Variants in NFIB observed in about 807,000 individuals in gnomAD.
The protein encoded by NFIB is nuclear factor 1 B-type.
A neutral mutation model predicts 61.5 loss-of-function variants in NFIB; 11 were observed. The observed-to-expected ratio is 0.18, with a 90% CI of 0.11 to 0.30. The LOEUF (loss-of-function observed/expected upper bound fraction) is 0.30, where lower values mean the gene tolerates loss of function less well. NFIB is among the 10% of genes least tolerant of loss of function. NFIB has a pLI of 1.00. For synonymous variants in NFIB, 260 were observed against 216.5 expected, an observed-to-expected ratio of 1.20 and a Z score of -1.76; for missense variants, 471 against 608.9, an observed-to-expected ratio of 0.77 and a Z score of 2.38.
chr9:14,265,175 G>A (rs1399829973), intron 2 of NFIB, among the ~76,000 whole-genome samples: 1 of 152,152 alleles, frequency 6.6e-6, no homozygotes, highest in Non-Finnish European at 1.5e-5. Flanking sequence ...ACTATAGATT[G>A]GATATTATAT....
At chr9:14,234,431 G>A (rs979084870) in intron 2 of NFIB, among the ~76,000 whole-genome samples, 7 of 151,266 alleles carry the variant, frequency 4.6e-5, no homozygotes, top group East Asian at 3.9e-4. Context: ...GTGCAGTGGC[G>A]GGATCTCGGC....
the NFIB span, among the ~76,000 whole-genome samples, chr9:14,512,693 A>AAGTAC: frequency 1.0e-3 from 155 of 151,522 alleles, no homozygotes; most frequent in East Asian, 0.021. Flanking sequence ...CTTATTTATA[A>AAGTAC]AGTAAATTTT....
chr9:14,400,077 A>G (rs531583574), upstream of NFIB, among the ~76,000 whole-genome samples: 4 of 152,060 alleles, frequency 2.6e-5, no homozygotes, highest in African/African-American at 9.7e-5. Context: ...TTAAAACTTC[A>G]ATAGCAATTT....
the NFIB span, among the ~76,000 whole-genome samples, chr9:14,457,799 C>T: frequency 6.6e-6 from 1 of 152,118 alleles, no homozygotes; most frequent in Non-Finnish European, 1.5e-5. Flanking sequence ...CACATACACC[C>T]TCCCAAGACT....
At chr9:14,436,248 G>A in the NFIB span, among the ~76,000 whole-genome samples, 1 of 152,222 alleles carries the variant, frequency 6.6e-6, no homozygotes, top group Non-Finnish European at 1.5e-5. Context: ...GTCCCAGGCA[G>A]TGCATCCCTG....
intron 1 of NFIB, among the ~76,000 whole-genome samples, chr9:14,370,135 A>G (rs1430861169): frequency 1.3e-5 from 2 of 152,218 alleles, no homozygotes; most frequent in African/African-American, 4.8e-5. Flanking sequence ...TCTGCCTAGA[A>G]TAACCTTCAC....
chr9:14,447,672 G>C, the NFIB span, among the ~76,000 whole-genome samples: 1 of 152,112 alleles, frequency 6.6e-6, no homozygotes, highest in Non-Finnish European at 1.5e-5. Context: ...AGAAATAGCT[G>C]CATTATTTCT....
At chr9:14,314,438 C>G (rs1485996100), upstream of NFIB, 1 of 151,936 alleles carries the variant, frequency 6.6e-6, no homozygotes, top group Non-Finnish European at 1.5e-5. Context: ...AAATTCCAAA[C>G]GATAAATCCC....
At chr9:14,517,688 C>T in the NFIB span, among the ~76,000 whole-genome samples, 1 of 151,886 alleles carries the variant, frequency 6.6e-6, no homozygotes, top group African/African-American at 2.4e-5. Flanking sequence ...TGTTCTTGGA[C>T]CTTCTTTCTT....
At chr9:14,203,822 A>G (rs776513041) in intron 2 of NFIB, among the ~76,000 whole-genome samples, 2 of 152,218 alleles carry the variant, frequency 1.3e-5, no homozygotes, top group Non-Finnish European at 2.9e-5. Context: ...CCAGATAGAA[A>G]ATGGTGACAA....
At chr9:14,275,347 G>C (rs571631473) in intron 2 of NFIB, among the ~76,000 whole-genome samples, 1 of 152,154 alleles carries the variant, frequency 6.6e-6, no homozygotes, top group South Asian at 2.1e-4. Context: ...TCTAATCGTT[G>C]AACACACTTG....
At chr9:14,322,561 T>A (rs2132824560) in intron 1 of NFIB, among the ~76,000 whole-genome samples, 1 of 152,064 alleles carries the variant, frequency 6.6e-6, no homozygotes, top group African/African-American at 2.4e-5. Context: ...GGCTTTCTCT[T>A]TCTCCGGCTC....
At chr9:14,433,314 C>A in the NFIB span, among the ~76,000 whole-genome samples, 1 of 152,054 alleles carries the variant, frequency 6.6e-6, no homozygotes, top group Admixed American at 6.5e-5. Context: ...TGTTTGAGCC[C>A]CATTGTCTAC....
At chr9:14,270,897 G>A (rs1214896110) in intron 2 of NFIB, among the ~76,000 whole-genome samples, 1 of 152,122 alleles carries the variant, frequency 6.6e-6, no homozygotes, top group Middle Eastern at 3.2e-3. Context: ...TAGGTATGAA[G>A]CTGAGTCTCC....
chr9:14,514,507 G>A, the NFIB span, among the ~76,000 whole-genome samples: 2 of 152,090 alleles, frequency 1.3e-5, no homozygotes, highest in African/African-American at 2.4e-5. Flanking sequence ...CTTTCTCACA[G>A]TATTTTTAAT....
intron 1 of NFIB, among the ~76,000 whole-genome samples, chr9:14,349,166 C>A (rs532014299): frequency 6.6e-6 from 1 of 152,294 alleles, no homozygotes; most frequent in Non-Finnish European, 1.5e-5. Flanking sequence ...GCGAAGCTAG[C>A]GAGGACAATT....
intron 2 of NFIB, among the ~76,000 whole-genome samples, chr9:14,293,523 G>A (rs764580): frequency 0.035 from 5,301 of 152,242 alleles, 140 homozygotes; most frequent in Non-Finnish European, 0.054. Context: ...TTCCACAACA[G>A]GAGACGCAAA....
chr9:14,472,418 C>G, the NFIB span, among the ~76,000 whole-genome samples: 1 of 152,136 alleles, frequency 6.6e-6, no homozygotes, highest in Non-Finnish European at 1.5e-5. Flanking sequence ...AGTTTAGGAA[C>G]ATTAAGGCAA....
rs939086161 is a variant in NFIB at position 14,220,225 on chromosome 9, A to G, written c.563-40445T>C. ...ACCTGTTTTAAATTTTAATCTCATTAGTTATTATTGATAACAAGGACAATG... is the reference window on the plus strand; with the variant it reads ...ACCTGTTTTAAATTTTAATCTCATTGGTTATTATTGATAACAAGGACAATG... On this transcript the variant is annotated intron_variant, in intron 2 of 10. Transcript: ENST00000380953. Among the ~76,000 whole-genome samples the G allele has an allele frequency of 2.0e-5, 3 of 152,216 alleles. No homozygotes were observed. In the South Asian group the frequency reaches 6.2e-4, roughly 32 times the overall value.
Sources: allele counts gnomAD v4.1 joint callset (sites outside exome capture counted in the v4.1 genomes callset), GRCh38; gene constraint gnomAD v4.1.1; transcripts MANE v1.5; gene names NCBI Gene and HGNC (gene_info 2026-07-23, HGNC 2026-07-21).